Variants in FKBP8 observed in about 807,000 individuals in gnomAD.
The protein encoded by FKBP8 is FKBP prolyl isomerase 8.
Under a neutral mutation model 41.7 loss-of-function variants are expected in FKBP8, and 5 were observed. The ratio of observed to expected loss-of-function variants is 0.12; its 90% CI spans 0.06 to 0.25. The LOEUF (loss-of-function observed/expected upper bound fraction) is 0.25. Among genes scored for constraint, FKBP8 ranks in the 10% least tolerant of loss-of-function variants. The pLI, the probability that FKBP8 is intolerant of heterozygous loss-of-function variation, is 1.00. For synonymous variants in FKBP8, 279 were observed against 254.5 expected, an observed-to-expected ratio of 1.10 and a Z score of -0.92; for missense variants, 397 against 563.0, an observed-to-expected ratio of 0.71 and a Z score of 2.98.
chr19:18,539,340 C>G lies in FKBP8; in HGVS notation c.551+31G>C, dbSNP rs750261851. On this transcript the variant is annotated intron_variant, in intron 4 of 8. Transcript: ENST00000608443. ...ACTCCACCCATCCCCCTCCTGAGAC[C>G]TGCAGAGACCTAAGGGTGGCTGACT... 1.9e-6 allele frequency: 3 copies of G among 1,589,078 alleles called. No homozygotes were observed. In the East Asian group the frequency reaches 6.7e-5, roughly 36 times the overall value.
At chr19:18,532,473 T>C in intron 8 of FKBP8, 191 bp downstream of exon 8, 1 of 995,022 alleles carries the variant, frequency 1.0e-6, no homozygotes, top group Non-Finnish European at 1.5e-6. Flanking sequence ...GGCTCCACAG[T>C]CCACCCCCAG....
At chr19:18,533,703 TAAAAAA>T (rs1380351930) in intron 6 of FKBP8, among the ~76,000 whole-genome samples, 1 of 143,580 alleles carries the variant, frequency 7.0e-6, no homozygotes, top group Non-Finnish European at 1.5e-5. Context: ...AACCCTGTCT[TAAAAAA>T]AGAAAAAAAA....
chr19:18,533,257 C>T lies in FKBP8; in HGVS notation c.1023+13G>A. The T allele has an allele frequency of 6.3e-7, 1 of 1,576,746 alleles. No individual in the cohort carries two copies. The highest frequency in any genetic ancestry group is 1.2e-5 in the South Asian group (1 of 85,906). ...CAGCCGAGCAAGTCCCAGGGCACCC[C>T]TGTCCTGCTCACCTTGTTGGAAGGT... On this transcript the variant is annotated intron_variant, in intron 7 of 8. Transcript: ENST00000608443.
intron 7 of FKBP8, chr19:18,533,033 G>T (rs1976484815): frequency 1.4e-6 from 1 of 729,406 alleles, no homozygotes; most frequent in Non-Finnish European, 2.2e-6. Flanking sequence ...GGAAGGCCAA[G>T]GACACTGGCA....
intron 2 of FKBP8, among the ~76,000 whole-genome samples, chr19:18,541,093 T>G (rs1467891091): frequency 6.6e-6 from 1 of 152,092 alleles, no homozygotes; most frequent in Non-Finnish European, 1.5e-5. Context: ...CACAGAAAAC[T>G]AACATTTCTC....
In FKBP8 at chr19:18,537,939, G is replaced by A; in HGVS notation, c.773-166C>T. On this transcript the variant is annotated intron_variant, in intron 5 of 8. Transcript: ENST00000608443. The surrounding 1 kb of genome is among the most constrained non-coding windows in gnomAD (Gnocchi z 4.4). The stretch of plus-strand genomic sequence containing the variant: ...TCTCCTGAGGAAGCTACAAGATGGA[G>A]ACTTAAGCAAGCGAGGGCCTAGCCT... 1 of 769,786 alleles carries A rather than the reference G, an allele frequency of 1.3e-6. No individual in the cohort carries two copies. Among genetic ancestry groups the A allele is most frequent in the South Asian group, 1.8e-5 (1 of 54,688 alleles). The allele number at this position is 769,786 out of a possible 1,614,324, so 47.7% of individuals were successfully genotyped here.
At position 18,537,292 on chromosome 19, in the gene FKBP8, G is replaced by C. The variant is rs989158724; in HGVS notation, c.945+309C>G. Among the ~76,000 whole-genome samples the C allele has an allele frequency of 6.6e-6, 1 of 151,600 alleles. No individual in the cohort carries two copies. The highest frequency in any genetic ancestry group is 1.5e-5 in the Non-Finnish European group (1 of 68,004). ...GGAGGAGGTTGCGGTGGTGAGCTGA[G>C]ATCACACCACTGCACTCCAGCCTGG... On this transcript the variant is annotated intron_variant, in intron 6 of 8. Transcript: ENST00000608443. The surrounding 1 kb of genome is among the most constrained non-coding windows in gnomAD (Gnocchi z 4.4).
chr19:18,535,663 GC>G (rs1373282450), intron 6 of FKBP8, among the ~76,000 whole-genome samples: 1 of 150,520 alleles, frequency 6.6e-6, no homozygotes, highest in Admixed American at 6.7e-5. Flanking sequence ...GGCAGAGGTT[GC>G]AGTGAGCCAA....
intron 1 of FKBP8, chr19:18,542,254 C>T: frequency 2.4e-6 from 1 of 410,648 alleles, no homozygotes; most frequent in South Asian, 4.4e-5. Context: ...TACAAATACT[C>T]CAGGAAGTAG....
chr19:18,542,302 GGCCAGAGGGGCAAAGGCATTT>G (rs1368390590), intron 1 of FKBP8: 31 of 288,886 alleles, frequency 1.1e-4, no homozygotes, highest in Non-Finnish European at 1.8e-4. Flanking sequence ...ACAGGAAACA[GGCCAGAGGGGCAAAGGCATTT>G]GCCCAAGGTC....
At chr19:18,532,329 C>A (rs1240860035) in intron 8 of FKBP8, 74 bp from the exon 9 acceptor site, 1 of 1,330,674 alleles carries the variant, frequency 7.5e-7, no homozygotes, top group Non-Finnish European at 1.1e-6. Flanking sequence ...GCTGCCAGCA[C>A]AGCCCAAACA....
chr19:18,534,375 C>CT (rs1021265069), intron 6 of FKBP8, among the ~76,000 whole-genome samples: 9 of 152,192 alleles, frequency 5.9e-5, no homozygotes, highest in Non-Finnish European at 8.8e-5. Flanking sequence ...AAATGGAGCT[C>CT]TGGCAACATC....
At chr19:18,533,761 C>G (rs898697249) in intron 6 of FKBP8, among the ~76,000 whole-genome samples, 2 of 151,526 alleles carry the variant, frequency 1.3e-5, no homozygotes. Flanking sequence ...AATCCCAGCA[C>G]TTTGGGAGGC....
In FKBP8 at chr19:18,538,083, C is replaced by T; in HGVS notation, c.772+133G>A. On this transcript the variant is annotated intron_variant, in intron 5 of 8. Coordinates refer to ENST00000608443, the MANE Select transcript of FKBP8 (RefSeq NM_012181.5). This position sits in a 1 kb window ranked among gnomAD's most constrained non-coding sequence, Gnocchi z 4.0. ...TCTGTAACAGGCCCTAGCTTAGGGG[C>T]AGTTGGGGATCTACCCATATTCTGG... 1 of 977,652 alleles carries T rather than the reference C, an allele frequency of 1.0e-6. No homozygotes were observed. Among genetic ancestry groups the T allele is most frequent in the Non-Finnish European group, 1.5e-6 (1 of 648,882 alleles). The allele number at this position is 977,652 out of a possible 1,614,324, so 60.6% of individuals were successfully genotyped here. A position where few individuals can be genotyped will look rare whatever the true frequency, so the allele number is the denominator to read the frequency against.
rs181309307 is a variant in FKBP8 at position 18,541,809 on chromosome 19, C to A, written c.162G>T (p.Pro54=). The A allele has an allele frequency of 4.3e-6, 7 of 1,613,630 alleles. No individual in the cohort carries two copies. The Admixed American group carries it at 5.0e-5, about 12-fold the overall frequency. Residue 54 remains proline (P), a synonymous_variant, in exon 2 of 9, where the codon CCG becomes CCT. Transcript: ENST00000608443. The part of the protein sequence containing the change: ...EEEDDLSELP[P]LEDMGQPPAE... ...CCGGGGGTTGTCCCATGTCCTCCAGCGGTGGCAGCTCACTCAGGTCATCCT... is the reference window on the plus strand; with the variant it reads ...CCGGGGGTTGTCCCATGTCCTCCAGAGGTGGCAGCTCACTCAGGTCATCCT...
At chr19:18,542,171 C>T in intron 1 of FKBP8, 176 bp from the exon 2 acceptor site, 1 of 867,234 alleles carries the variant, frequency 1.2e-6, no homozygotes, top group Non-Finnish European at 1.7e-6. Context: ...GAGAAATTAA[C>T]CCATGCATCA....
At chr19:18,539,248 C>T (rs763579917) in intron 4 of FKBP8, 123 bp downstream of exon 4, 24 of 884,506 alleles carry the variant, frequency 2.7e-5, no homozygotes, top group Non-Finnish European at 2.8e-5. Context: ...TGTGAGCCAC[C>T]TCACCCAGCC....
rs765416957 is a variant in FKBP8 at position 18,532,219 on chromosome 19, C to T, written c.1192G>A (p.Val398Ile). ...PWKWLFGATA[V>I]ALGGVALSVV... Reference sequence around the variant, plus strand: ...GAGAGTGCCACACCCCCCAAGGCAACAGCAGTCGCCCCAAACAGCCACTTC... The same window carrying T: ...GAGAGTGCCACACCCCCCAAGGCAATAGCAGTCGCCCCAAACAGCCACTTC... The change falls in exon 9 of 9, where the codon GTT (valine) becomes ATT (isoleucine). Residue 398 changes from valine to isoleucine, a missense_variant. Coordinates refer to ENST00000608443, the MANE Select transcript of FKBP8 (RefSeq NM_012181.5). 3.2e-5 allele frequency: 51 copies of T among 1,610,098 alleles called. No individual in the cohort carries two copies. Among genetic ancestry groups the T allele is most frequent in the Middle Eastern group, 1.6e-4 (1 of 6,064 alleles).
At position 18,532,824 on chromosome 19, in the gene FKBP8, C is replaced by T. The variant is rs77134819; in HGVS notation, c.1024-29G>A. The T allele has an allele frequency of 8.9e-4, 1,435 of 1,610,204 alleles. 20 individuals carry two copies. The East Asian group carries it at 0.03, about 34-fold the overall frequency. On this transcript the variant is annotated intron_variant, in intron 7 of 8. Coordinates refer to ENST00000608443, the MANE Select transcript of FKBP8 (RefSeq NM_012181.5). ...CAGAAGGCAGGGGAAGCTGAGAACA[C>T]GCAGCGGCCAACCTGTCATCACTGG...
Sources: allele counts gnomAD v4.1 joint callset (sites outside exome capture counted in the v4.1 genomes callset), GRCh38; gene constraint gnomAD v4.1.1; non-coding constraint Gnocchi (gnomAD v3.1); transcripts MANE v1.5; gene names NCBI Gene and HGNC (gene_info 2026-07-23, HGNC 2026-07-21).